NAP1L4: variants seen among roughly 807,000 people sequenced by gnomAD.
NAP1L4 encodes the protein nucleosome assembly protein 1 like 4.
Under a neutral mutation model 58.2 loss-of-function variants are expected in NAP1L4, and 15 were observed. That is an observed-to-expected ratio of 0.26 (90% CI 0.17 to 0.40). The LOEUF is 0.40. NAP1L4 is among the 10% of genes least tolerant of loss of function. The pLI is 1.00. For missense variants in NAP1L4, 384 were observed against 451.1 expected (o/e 0.85, Z 1.35); for synonymous variants, 171 against 155.6 (o/e 1.10, Z -0.74).
At chr11:2,991,232 C>G (rs959259971) in intron 1 of NAP1L4, 1 of 433,986 alleles carries the variant, frequency 2.3e-6, no homozygotes, top group Admixed American at 2.4e-5. Flanking sequence ...CTGCCTCCTG[C>G]CCCGCAATCA....
chr11:2,979,771 T>TA (rs57640918), intron 1 of NAP1L4, among the ~76,000 whole-genome samples: 38,627 of 146,732 alleles, frequency 0.26, 5,099 homozygotes, highest in South Asian at 0.34. Context: ...AAACTCCATC[T>TA]AAAAAAAAAA....
rs1350274578 is a variant in NAP1L4 at position 2,947,595 on chromosome 11, GT to G, written c.*32+1631del. ...ATTTTACATATGAGAGACACCAATT[GT>G]TTTTAGCTTGTGACACATGCCGAAA... On this transcript the variant is annotated intron_variant, in intron 15 of 15. Transcript: ENST00000380542. 3.3e-5 allele frequency among the ~76,000 whole-genome samples: 5 copies of G among 151,410 alleles called. No individual in the cohort carries two copies. The East Asian group carries it at 9.8e-4, about 30-fold the overall frequency.
rs749045333 is a variant in NAP1L4 at position 2,971,432 on chromosome 11, G to A, written c.402+16C>T. 10 of 1,608,684 alleles carry A rather than the reference G, an allele frequency of 6.2e-6. No individual in the cohort carries two copies. The highest frequency in any genetic ancestry group is 8.5e-6 in the Non-Finnish European group (10 of 1,176,282). The stretch of plus-strand genomic sequence containing the variant: ...TATTAAAACAGAACATGAGTCACAT[G>A]TTTCTAAAGACTTACAGCCAATTTC... On this transcript the variant is annotated intron_variant, in intron 6 of 15. Transcript: ENST00000380542. The surrounding 1 kb of genome is among the most constrained non-coding windows in gnomAD (Gnocchi z 4.2).
intron 7 of NAP1L4, among the ~76,000 whole-genome samples, chr11:2,969,285 T>TA (rs541672069): frequency 1.2e-4 from 18 of 151,834 alleles, no homozygotes; most frequent in African/African-American, 2.2e-4. Context: ...CCTCTTTTTT[T>TA]AAAAAAAATA....
intron 7 of NAP1L4, among the ~76,000 whole-genome samples, chr11:2,966,324 G>A (rs926531875): frequency 6.6e-6 from 1 of 152,010 alleles, no homozygotes; most frequent in Non-Finnish European, 1.5e-5. Flanking sequence ...CTGAAAACAC[G>A]CACTAAATTA....
intron 2 of NAP1L4, among the ~76,000 whole-genome samples, chr11:2,978,607 G>A (rs961976641): frequency 6.6e-6 from 1 of 152,016 alleles, no homozygotes; most frequent in African/African-American, 2.4e-5. Context: ...AAGCTTCTTA[G>A]CTCTCATTTC....
chr11:2,981,991 T>C (rs1848348056), intron 1 of NAP1L4, among the ~76,000 whole-genome samples: 1 of 152,208 alleles, frequency 6.6e-6, no homozygotes, highest in Admixed American at 6.5e-5. Context: ...CCTTCTCACA[T>C]ATTCTAAATG....
intron 1 of NAP1L4, among the ~76,000 whole-genome samples, chr11:2,985,603 C>T (rs1848571757): frequency 6.6e-6 from 1 of 152,126 alleles, no homozygotes; most frequent in Non-Finnish European, 1.5e-5. Context: ...AGTATACCAC[C>T]TAATGTGAAT....
rs867434669 is a variant in NAP1L4, at chr11:2,952,020, C to A, written c.1036-211G>T. The A allele has an allele frequency of 1.4e-5, 9 of 624,490 alleles. No individual in the cohort carries two copies. In the African/African-American group the frequency reaches 1.6e-4, roughly 11 times the overall value. The allele number at this position is 624,490 out of a possible 1,614,324, so 38.7% of individuals were successfully genotyped here. ...CCAGGAAATTGAAAGTCACGCAAAA[C>A]AAGGAATAGGATAGGAAGCTGGTCA... On this transcript the variant is annotated intron_variant, in intron 12 of 15. Coordinates refer to ENST00000380542, the MANE Select transcript of NAP1L4 (RefSeq NM_005969.4).
At position 2,959,912 on chromosome 11, in the gene NAP1L4, A is replaced by G. The variant is rs947841356; in HGVS notation, c.607-3T>C. The G allele has an allele frequency of 1.2e-6, 2 of 1,613,836 alleles. No homozygotes were observed. The highest frequency in any genetic ancestry group is 1.3e-5 in the African/African-American group (1 of 74,918). ...AAGTGGAACTCTAACACAAAAGACTAAAAGTAGAAATTCAGAGTAAGCACC... is the reference window on the plus strand; with the variant it reads ...AAGTGGAACTCTAACACAAAAGACTGAAAGTAGAAATTCAGAGTAAGCACC... On this transcript the variant is annotated splice_polypyrimidine_tract_variant and splice_region_variant and intron_variant, in intron 8 of 15. Transcript: ENST00000380542. This position sits in a 1 kb window ranked among gnomAD's most constrained non-coding sequence, Gnocchi z 4.9.
intron 1 of NAP1L4, chr11:2,991,839 A>C (rs1299196483): frequency 6.6e-6 from 1 of 152,062 alleles, no homozygotes; most frequent in African/African-American, 2.4e-5. Flanking sequence ...CGGCCGTGTA[A>C]CCGCCACAGC....
rs570042924 is a variant in NAP1L4, at chr11:2,991,978, C to G, written c.-18+276G>C. On this transcript the variant is annotated intron_variant, in intron 1 of 15. Coordinates refer to ENST00000380542, the MANE Select transcript of NAP1L4 (RefSeq NM_005969.4). ...GCGCAGAACAAAGCGCCTTGACCTT[C>G]AGTGAGGCGGGCAGCCGGGCGAGGC... is the stretch of plus-strand genomic sequence containing the variant. 4.6e-5 allele frequency: 7 copies of G among 152,180 alleles called. 1 individual carries two copies. In the East Asian group the frequency reaches 1.4e-3, roughly 29 times the overall value. The allele number at this position is 152,180 out of a possible 1,614,324, so 9.4% of individuals were successfully genotyped here. A position where few individuals can be genotyped will look rare whatever the true frequency, so the allele number is the denominator to read the frequency against.
chr11:2,957,321 G>A (rs186872854), intron 10 of NAP1L4, among the ~76,000 whole-genome samples: 97 of 152,284 alleles, frequency 6.4e-4, no homozygotes, highest in African/African-American at 2.3e-3. Context: ...TCCCCAAACC[G>A]TATGTATTTG....
At chr11:2,969,981 C>T (rs2133966868) in intron 6 of NAP1L4, 47 bp from the exon 7 acceptor site, 1 of 1,575,960 alleles carries the variant, frequency 6.3e-7, no homozygotes, top group Non-Finnish European at 8.6e-7. Context: ...AGTTTACAAA[C>T]AATGCAGCGG....
At chr11:2,964,820 T>C (rs1847164309) in intron 7 of NAP1L4, 69 bp from the exon 8 acceptor site, 1 of 1,182,416 alleles carries the variant, frequency 8.5e-7, no homozygotes, top group Non-Finnish European at 1.2e-6. Flanking sequence ...CGAAGAGTCA[T>C]GGTTGCAGAG....
At chr11:2,990,859 TTAGAGG>T (rs1172918126) in intron 1 of NAP1L4, 1 of 300,256 alleles carries the variant, frequency 3.3e-6, no homozygotes, top group Non-Finnish European at 6.8e-6. Flanking sequence ...TATTAGTCAT[TTAGAGG>T]TATAGTTACT....
chr11:2,958,826 T>C, intron 9 of NAP1L4: 1 of 397,862 alleles, frequency 2.5e-6, no homozygotes, highest in South Asian at 3.8e-5. Context: ...ATGTATATTC[T>C]GTGGCAAAGC....
At chr11:2,961,125 C>T (rs1304282231) in intron 8 of NAP1L4, among the ~76,000 whole-genome samples, 1 of 151,586 alleles carries the variant, frequency 6.6e-6, no homozygotes, top group African/African-American at 2.4e-5. Context: ...AAACCATCAA[C>T]GGGGGGGAAA....
intron 12 of NAP1L4, among the ~76,000 whole-genome samples, chr11:2,953,263 T>A (rs768346447): frequency 7.9e-5 from 12 of 152,252 alleles, no homozygotes; most frequent in Non-Finnish European, 1.5e-4. Flanking sequence ...ATACCGCATA[T>A]AAGTAAGCAA....
Sources: allele counts gnomAD v4.1 joint callset (sites outside exome capture counted in the v4.1 genomes callset), GRCh38; gene constraint gnomAD v4.1.1; non-coding constraint Gnocchi (gnomAD v3.1); transcripts MANE v1.5; gene names NCBI Gene and HGNC (gene_info 2026-07-23, HGNC 2026-07-21).